Variants in INPP5A observed in about 807,000 individuals in gnomAD.
INPP5A encodes 43 kDa inositol polyphosphate 5-phophatase.
Under a neutral mutation model 65.2 loss-of-function variants are expected in INPP5A, and 14 were observed. That is an observed-to-expected ratio of 0.21 (90% CI 0.14 to 0.34). The LOEUF (loss-of-function observed/expected upper bound fraction) is 0.34, where lower values mean the gene tolerates loss of function less well. Ranked by LOEUF, INPP5A falls within the 10% of genes least tolerant of loss-of-function variation. The pLI, the probability that INPP5A is intolerant of heterozygous loss-of-function variation, is 1.00. For synonymous variants in INPP5A, 207 were observed against 208.3 expected (o/e 0.99, Z 0.05); for missense variants, 431 against 545.6 (o/e 0.79, Z 2.09).
At chr10:132,540,421 C>T (rs984101934) in intron 1 of INPP5A, among the ~76,000 whole-genome samples, 2 of 152,238 alleles carry the variant, frequency 1.3e-5, no homozygotes, top group African/African-American at 4.8e-5. Flanking sequence ...GTCAACAGTA[C>T]ATAGGTTAAT....
chr10:132,645,906 C>T lies in INPP5A; in HGVS notation c.156C>T (p.His52=). 1.2e-6 allele frequency: 2 copies of T among 1,614,110 alleles called. No homozygotes were observed. The highest frequency in any genetic ancestry group is 1.7e-6 in the Non-Finnish European group (2 of 1,179,990). The change falls in exon 3 of 16, where the codon CAC becomes CAT. Residue 52 remains histidine, a synonymous_variant. Coordinates refer to ENST00000368594, the MANE Select transcript of INPP5A (RefSeq NM_005539.5). The stretch of plus-strand genomic sequence containing the variant: ...ACAAGCCGCACTTCATGGCCTTGCA[C>T]TGTCAGGAGTTTGGAGGGAAGAACT... The part of the protein sequence containing the change: ...HTHKPHFMAL[H]CQEFGGKNYE...
At chr10:132,744,813 G>A (rs1289439747) in intron 9 of INPP5A, among the ~76,000 whole-genome samples, 2 of 152,162 alleles carry the variant, frequency 1.3e-5, no homozygotes, top group Non-Finnish European at 2.9e-5. Flanking sequence ...AGCCTGAGGC[G>A]ACCTGCAGGG....
intron 8 of INPP5A, among the ~76,000 whole-genome samples, chr10:132,725,585 T>C (rs944230374): frequency 6.6e-6 from 1 of 152,228 alleles, no homozygotes; most frequent in African/African-American, 2.4e-5. Flanking sequence ...CCTCCCGGCC[T>C]CATCCCACTG....
chr10:132,729,630 GGCTGTC>G (rs1436875901), intron 9 of INPP5A, among the ~76,000 whole-genome samples: 1 of 152,226 alleles, frequency 6.6e-6, no homozygotes, highest in South Asian at 2.1e-4. Flanking sequence ...GTTCGTGTTA[GGCTGTC>G]GCTAAAGGAG....
At position 132,538,203 on chromosome 10, in the gene INPP5A, G is replaced by T. The variant is rs959681372; in HGVS notation, c.75+32G>T. The T allele has an allele frequency of 1.6e-6, 2 of 1,240,644 alleles. No homozygotes were observed. The highest frequency in any genetic ancestry group is 1.0e-6 in the Non-Finnish European group (1 of 982,738). The allele number at this position is 1,240,644 out of a possible 1,614,324, so 76.9% of individuals were successfully genotyped here. ...CCCCCGTGCCGGCGGCAGGCCCCAA[G>T]CCCGGAACCCCCGACCCTGACCCCG... On this transcript the variant is annotated intron_variant, in intron 1 of 15. Coordinates refer to ENST00000368594, the MANE Select transcript of INPP5A (RefSeq NM_005539.5). This position sits in a 1 kb window ranked among gnomAD's most constrained non-coding sequence, Gnocchi z 4.1.
At chr10:132,584,168 T>C (rs548426095) in intron 1 of INPP5A, among the ~76,000 whole-genome samples, 1 of 152,388 alleles carries the variant, frequency 6.6e-6, no homozygotes, top group African/African-American at 2.4e-5. Context: ...ATGTTGTTTC[T>C]TTGCCTTGCC....
Position 132,678,305 on chromosome 10 carries a change from A to G in INPP5A, c.307-12087A>G, listed in dbSNP as rs980367301. Among the ~76,000 whole-genome samples, 1 of 152,222 alleles carries G rather than the reference A, an allele frequency of 6.6e-6. No homozygotes were observed. Among genetic ancestry groups the G allele is most frequent in the Non-Finnish European group, 1.5e-5 (1 of 68,032 alleles). On this transcript the variant is annotated intron_variant, in intron 4 of 15. Transcript: ENST00000368594. This position sits in a 1 kb window ranked among gnomAD's most constrained non-coding sequence, Gnocchi z 4.1. ...TTCATTATACAGGAAAAGATCAATG[A>G]AGCGCTACATTGATTTAAACAAAAG...
Position 132,546,073 on chromosome 10 carries a change from G to A in INPP5A, c.75+7902G>A, listed in dbSNP as rs111576454. The stretch of plus-strand genomic sequence containing the variant: ...TTGTGTTGGGATGAGTGGCCGAGGC[G>A]TCTGGGGACGTCCTGGAGCCTGCAG... On this transcript the variant is annotated intron_variant, in intron 1 of 15. Coordinates refer to ENST00000368594, the MANE Select transcript of INPP5A (RefSeq NM_005539.5). This position sits in a 1 kb window ranked among gnomAD's most constrained non-coding sequence, Gnocchi z 5.7. Among the ~76,000 whole-genome samples the A allele has an allele frequency of 5.6e-4, 85 of 152,338 alleles. No individual in the cohort carries two copies. The highest frequency in any genetic ancestry group is 1.9e-3 in the African/African-American group (77 of 41,576).
In INPP5A at chr10:132,741,395, C is replaced by G. The variant is rs1846267375; in HGVS notation, c.733-8122C>G. ...CAGTCTGGTTCCTGCTGGACAAACA[C>G]TGCAGGTTCACACCACGGGAACTTC... On this transcript the variant is annotated intron_variant, in intron 9 of 15. Transcript: ENST00000368594. This position sits in a 1 kb window ranked among gnomAD's most constrained non-coding sequence, Gnocchi z 4.4. 6.6e-6 allele frequency among the ~76,000 whole-genome samples: 1 copy of G among 152,230 alleles called. No homozygotes were observed. The highest frequency in any genetic ancestry group is 2.1e-4 in the South Asian group (1 of 4,830).
chr10:132,728,785 C>G (rs1846031019), intron 9 of INPP5A, among the ~76,000 whole-genome samples: 1 of 152,246 alleles, frequency 6.6e-6, no homozygotes, highest in Non-Finnish European at 1.5e-5. Context: ...CTGGTCCTGG[C>G]CGGGTCAGAG....
chr10:132,556,163 A>G (rs544675224), intron 1 of INPP5A, among the ~76,000 whole-genome samples: 1 of 151,928 alleles, frequency 6.6e-6, no homozygotes, highest in Non-Finnish European at 1.5e-5. Context: ...GTCCTCCTTG[A>G]TGGCACGCTC....
chr10:132,629,624 C>T (rs911591745), intron 2 of INPP5A, among the ~76,000 whole-genome samples: 10 of 152,220 alleles, frequency 6.6e-5, no homozygotes, highest in African/African-American at 2.4e-4. Flanking sequence ...CTTGCTGCTG[C>T]GTGGTTTGGC....
chr10:132,755,035 G>A (rs1301261472), intron 11 of INPP5A, among the ~76,000 whole-genome samples: 2 of 151,934 alleles, frequency 1.3e-5, no homozygotes, highest in Non-Finnish European at 2.9e-5. Context: ...ATGCGTGTGT[G>A]TGATCGTATG....
At position 132,571,764 on chromosome 10, in the gene INPP5A, C is replaced by G. The variant is rs148181638; in HGVS notation, c.75+33593C>G. Among the ~76,000 whole-genome samples the G allele has an allele frequency of 9.2e-5, 14 of 152,288 alleles. No individual in the cohort carries two copies. The East Asian group carries it at 2.5e-3, about 27-fold the overall frequency. ...CCTATCATCTCCACAGCCCTGATGC[C>G]TGTGCTGTGTTGCTCCATTGCACAG... On this transcript the variant is annotated intron_variant, in intron 1 of 15. Coordinates refer to ENST00000368594, the MANE Select transcript of INPP5A (RefSeq NM_005539.5).
chr10:132,766,099 C>G (rs1421260482), intron 12 of INPP5A, among the ~76,000 whole-genome samples: 1 of 151,542 alleles, frequency 6.6e-6, no homozygotes, highest in South Asian at 2.1e-4. Flanking sequence ...TGTGTGTGCA[C>G]GAGTGCATCT....
chr10:132,778,872 G>A (rs1344723562), intron 13 of INPP5A, among the ~76,000 whole-genome samples: 1 of 152,246 alleles, frequency 6.6e-6, no homozygotes, highest in Non-Finnish European at 1.5e-5. Context: ...GGGTACAGGT[G>A]TGCCCTCAGC....
At chr10:132,608,584 G>A (rs1342131785) in intron 2 of INPP5A, among the ~76,000 whole-genome samples, 1 of 152,200 alleles carries the variant, frequency 6.6e-6, no homozygotes, top group Non-Finnish European at 1.5e-5. Context: ...TGTGCCTGTG[G>A]GGTGGCGCCA....
intron 9 of INPP5A, among the ~76,000 whole-genome samples, chr10:132,733,620 G>A (rs755011499): frequency 5.3e-5 from 8 of 152,200 alleles, no homozygotes; most frequent in Admixed American, 5.2e-4. Context: ...AATTCTGCAC[G>A]ATTTTCTTTT....
chr10:132,660,217 C>T (rs997186686), intron 4 of INPP5A, among the ~76,000 whole-genome samples: 7 of 152,208 alleles, frequency 4.6e-5, no homozygotes, highest in African/African-American at 1.4e-4. Context: ...GTAGTTAAAT[C>T]CTCTTCTTCC....
Sources: gnomAD v4.1 joint callset for allele counts (sites outside exome capture counted in the v4.1 genomes callset) on GRCh38, gnomAD v4.1.1 for gene constraint, Gnocchi (gnomAD v3.1) non-coding constraint, MANE v1.5 for transcripts, NCBI Gene and HGNC (gene_info 2026-07-23, HGNC 2026-07-21) for gene names.